The following COL5A2 variants were observed in gnomAD, a reference collection of about 807,000 sequenced individuals.
COL5A2 encodes collagen type V alpha 2 chain, also known as collagen alpha-2(V) chain.
Under a neutral mutation model 208.2 loss-of-function variants are expected in COL5A2, and 23 were observed. That is an observed-to-expected ratio of 0.11 (90% CI 0.08 to 0.16). The LOEUF is 0.16. Ranked by LOEUF, COL5A2 falls within the 10% of genes least tolerant of loss-of-function variation. COL5A2 has a pLI of 1.00. For synonymous variants in COL5A2, 625 were observed against 628.5 expected, an observed-to-expected ratio of 0.99 and a Z score of 0.08; for missense variants, 1,590 against 1,956.4, an observed-to-expected ratio of 0.81 and a Z score of 3.53.
intron 1 of COL5A2, among the ~76,000 whole-genome samples, chr2:189,121,122 C>T (rs1037341276): frequency 5.3e-5 from 8 of 151,962 alleles, no homozygotes; most frequent in African/African-American, 1.9e-4. Context: ...GTAGGAAGGG[C>T]ATATCATCTA....
the COL5A2 span, among the ~76,000 whole-genome samples, chr2:189,336,778 C>T: frequency 6.6e-6 from 1 of 152,152 alleles, no homozygotes. Flanking sequence ...TGAGTGGTGA[C>T]TGTACAGGTT....
chr2:189,262,896 A>G, the COL5A2 span, among the ~76,000 whole-genome samples: 250 of 152,252 alleles, frequency 1.6e-3, 1 homozygote, highest in African/African-American at 5.6e-3. Flanking sequence ...CTGATATTCA[A>G]CATCTAGATA....
the COL5A2 span, among the ~76,000 whole-genome samples, chr2:189,347,413 TATGTTAAAAAAGGAAAAATGACACTA>T: frequency 2.0e-5 from 3 of 152,206 alleles, no homozygotes; most frequent in Admixed American, 2.0e-4. Context: ...GGAAAAGATT[TATGTTAAAAAAGGAAAAATGACACTA>T]ATGTTAAAAT....
At chr2:189,239,702 T>C in the COL5A2 span, among the ~76,000 whole-genome samples, 6 of 151,482 alleles carry the variant, frequency 4.0e-5, no homozygotes, top group Non-Finnish European at 7.4e-5. Context: ...CACACCAGCA[T>C]GGCACATGTA....
At chr2:189,279,952 G>A in the COL5A2 span, among the ~76,000 whole-genome samples, 3 of 152,102 alleles carry the variant, frequency 2.0e-5, no homozygotes, top group Admixed American at 2.0e-4. Flanking sequence ...ATTAGGTCAT[G>A]AGGGTGGAGC....
intron 1 of COL5A2, among the ~76,000 whole-genome samples, chr2:189,128,428 T>G (rs1020185125): frequency 6.6e-6 from 1 of 152,032 alleles, no homozygotes; most frequent in Non-Finnish European, 1.5e-5. Flanking sequence ...TTCATAAAAA[T>G]TATATGTAGT....
At chr2:189,418,740 G>C in the COL5A2 span, among the ~76,000 whole-genome samples, 1 of 152,132 alleles carries the variant, frequency 6.6e-6, no homozygotes, top group Non-Finnish European at 1.5e-5. Context: ...TTTTAGGTAA[G>C]ACTAGGGGAA....
At chr2:189,370,384 A>G in the COL5A2 span, among the ~76,000 whole-genome samples, 29 of 152,328 alleles carry the variant, frequency 1.9e-4, no homozygotes, top group Non-Finnish European at 2.4e-4. Context: ...AGAGGTGTTC[A>G]ATGTGTTTTA....
At position 189,064,021 on chromosome 2, in the gene COL5A2, T is replaced by A. The variant is rs771731490; in HGVS notation, c.1729A>T (p.Asn577Tyr). Reference protein sequence around the residue: ...GLPGARGLTGNPGVQGPEGKL... With the variant: ...GLPGARGLTGYPGVQGPEGKL... ...CCTTCAGGACCTTGAACACCAGGAT[T>A]TCCTGTCAAACCCTGAAAATAAAAA... The change falls in exon 26 of 54, where the codon AAT (asparagine) becomes TAT (tyrosine). Residue 577 changes from asparagine (N) to tyrosine (Y), a missense_variant. Transcript: ENST00000374866. 9 of 1,613,246 alleles carry A rather than the reference T, an allele frequency of 5.6e-6. No homozygotes were observed. The South Asian group carries it at 9.9e-5, about 18-fold the overall frequency.
chr2:189,180,772 A>C (rs542224573), upstream of COL5A2, among the ~76,000 whole-genome samples: 19 of 152,320 alleles, frequency 1.2e-4, no homozygotes, highest in African/African-American at 4.1e-4. Flanking sequence ...TGATAGCCCC[A>C]GTTGAACATG....
chr2:189,207,525 C>T (rs1231717029), intron 1 of COL5A2, among the ~76,000 whole-genome samples: 1 of 152,154 alleles, frequency 6.6e-6, no homozygotes, highest in Non-Finnish European at 1.5e-5. Context: ...GGTCTTAGTG[C>T]TAAGGTTTGC....
chr2:189,212,324 G>A (rs1353061899), intron 1 of COL5A2, among the ~76,000 whole-genome samples: 1 of 152,048 alleles, frequency 6.6e-6, no homozygotes, highest in East Asian at 1.9e-4. Context: ...AAATGGGCTG[G>A]GGCAATCTGT....
intron 1 of COL5A2, among the ~76,000 whole-genome samples, chr2:189,120,656 A>G (rs556111289): frequency 6.6e-6 from 1 of 152,306 alleles, no homozygotes; most frequent in East Asian, 1.9e-4. Context: ...CATATTTTAA[A>G]CCCTTAGACA....
intron 1 of COL5A2, among the ~76,000 whole-genome samples, chr2:189,174,103 T>G (rs183306834): frequency 6.6e-6 from 1 of 152,300 alleles, no homozygotes; most frequent in East Asian, 1.9e-4. Flanking sequence ...GGCCATAGAT[T>G]AACACGATTC....
the COL5A2 span, among the ~76,000 whole-genome samples, chr2:189,281,727 A>G: frequency 6.6e-6 from 1 of 152,218 alleles, no homozygotes; most frequent in Non-Finnish European, 1.5e-5. Context: ...CTCTAAGGAG[A>G]TATAGCAATG....
chr2:189,373,614 T>C, the COL5A2 span, among the ~76,000 whole-genome samples: 1 of 152,188 alleles, frequency 6.6e-6, no homozygotes, highest in African/African-American at 2.4e-5. Flanking sequence ...CCAGGCTTTC[T>C]ATATAGCTGT....
At chr2:189,060,852 T>C (rs1686015038) in intron 30 of COL5A2, 69 bp from the exon 31 acceptor site, 1 of 1,120,194 alleles carries the variant, frequency 8.9e-7, no homozygotes, top group Non-Finnish European at 1.4e-6. Flanking sequence ...TGTTAACAGT[T>C]TACCTTTTAC....
At chr2:189,291,830 C>T in the COL5A2 span, among the ~76,000 whole-genome samples, 1 of 151,594 alleles carries the variant, frequency 6.6e-6, no homozygotes, top group Non-Finnish European at 1.5e-5. Context: ...CTATTCTATA[C>T]TGGTTTGTTC....
At chr2:189,210,723 A>G (rs914827224) in intron 1 of COL5A2, among the ~76,000 whole-genome samples, 1 of 152,210 alleles carries the variant, frequency 6.6e-6, no homozygotes, top group Admixed American at 6.5e-5. Flanking sequence ...CTTGTCAGCT[A>G]TATTTAAGCA....
Sources: gnomAD v4.1 joint callset for allele counts (sites outside exome capture counted in the v4.1 genomes callset) on GRCh38, gnomAD v4.1.1 for gene constraint, MANE v1.5 for transcripts, NCBI Gene and HGNC (gene_info 2026-07-23, HGNC 2026-07-21) for gene names.